The following AAMP variants were observed in gnomAD, a reference collection of about 807,000 sequenced individuals.
The protein encoded by AAMP is angio-associated migratory cell protein.
AAMP carries 12 observed loss-of-function variants against 51.1 expected under a neutral mutation model. The ratio of observed to expected loss-of-function variants is 0.23; its 90% CI spans 0.15 to 0.38. The LOEUF is 0.38. Among genes scored for constraint, AAMP ranks in the 10% least tolerant of loss-of-function variants. The pLI, the probability that AAMP is intolerant of heterozygous loss-of-function variation, is 1.00. For missense variants in AAMP, 418 were observed against 557.2 expected, an observed-to-expected ratio of 0.75 and a Z score of 2.52; for synonymous variants, 210 against 218.7, an observed-to-expected ratio of 0.96 and a Z score of 0.35.
Position 218,269,504 on chromosome 2 carries a change from T to G in AAMP, c.152A>C (p.Asp51Ala). The G allele has an allele frequency of 7.4e-6, 12 of 1,614,154 alleles. No homozygotes were observed. The highest frequency in any genetic ancestry group is 1.0e-5 in the Non-Finnish European group (12 of 1,180,038). The change falls in exon 2 of 11, where the codon GAC (aspartate) becomes GCC (alanine). Residue 51 changes from aspartate to alanine, a missense_variant. By Grantham distance (126) the Asp-to-Ala change is moderately radical. Coordinates refer to ENST00000248450, the MANE Select transcript of AAMP (RefSeq NM_001087.5). ...CTCTTCCTCCTCTTCTTCCTCAAAG[T>G]CCACATCTTCCATCTCCTGGGCCAG... ...DDLAQEMEDV[D>A]FEEEEEEEGN...
Position 218,269,721 on chromosome 2 carries a change from G to C in AAMP, c.122-187C>G, listed in dbSNP as rs1376620244. The C allele has an allele frequency of 2.7e-6, 3 of 1,102,310 alleles. No homozygotes were observed. The East Asian group carries it at 7.6e-5, about 28-fold the overall frequency. The allele number at this position is 1,102,310 out of a possible 1,614,324, so 68.3% of individuals were successfully genotyped here. On this transcript the variant is annotated intron_variant, in intron 1 of 10. Coordinates refer to ENST00000248450, the MANE Select transcript of AAMP (RefSeq NM_001087.5). The stretch of plus-strand genomic sequence containing the variant: ...GCCACGGCTGGCCAGAGACCGTGCG[G>C]TAAGGGAGGGCCAAGGGGATGATGG...
In AAMP at chr2:218,266,383, G is replaced by C; in HGVS notation, c.679+60C>G. ...GACCCAGAAGGCTGCTCTGGGAGGT[G>C]TATATCCCGGGATTCGGCCTCTGCA... is the stretch of plus-strand genomic sequence containing the variant. On this transcript the variant is annotated intron_variant, in intron 5 of 10. Transcript: ENST00000248450. The surrounding 1 kb of genome is among the most constrained non-coding windows in gnomAD (Gnocchi z 4.7). 1.3e-6 allele frequency: 2 copies of C among 1,587,098 alleles called. No homozygotes were observed. Among genetic ancestry groups the C allele is most frequent in the South Asian group, 2.3e-5 (2 of 88,240 alleles).
Position 218,266,487 on chromosome 2 carries a change from T to TG in AAMP, c.634dup (p.Gln212ProfsTer15). On this transcript the variant is annotated frameshift_variant, in exon 5 of 11. Transcript: ENST00000248450. LOFTEE classifies it high-confidence loss of function. This position sits in a 1 kb window ranked among gnomAD's most constrained non-coding sequence, Gnocchi z 4.7. ...ACAGGTGGCTGGGCAGTTGGGACCC[T>TG]GGAAGGTCTTGCAGTCACCATTCGG... 6.2e-7 allele frequency: 1 copy of TG among 1,614,078 alleles called. No homozygotes were observed. Among genetic ancestry groups the TG allele is most frequent in the Non-Finnish European group, 8.5e-7 (1 of 1,180,000 alleles).
In AAMP at chr2:218,267,870, A is replaced by T. The variant is rs1690671175; in HGVS notation, c.275-257T>A. Among the ~76,000 whole-genome samples, 1 of 152,184 alleles carries T rather than the reference A, an allele frequency of 6.6e-6. No individual in the cohort carries two copies. Among genetic ancestry groups the T allele is most frequent in the Admixed American group, 6.5e-5 (1 of 15,278 alleles). ...ACCACCCAACACCAATGCCATGGAC[A>T]AGAGGTGGGGACAGGTGCAGGGCTT... On this transcript the variant is annotated intron_variant, in intron 2 of 10. Transcript: ENST00000248450. The surrounding 1 kb of genome is among the most constrained non-coding windows in gnomAD (Gnocchi z 4.6).
chr2:218,265,480 C>G lies in AAMP; in HGVS notation c.984-19G>C, dbSNP rs777653771. 3.2e-6 allele frequency: 5 copies of G among 1,571,454 alleles called. No individual in the cohort carries two copies. The highest frequency in any genetic ancestry group is 3.5e-6 in the Non-Finnish European group (4 of 1,151,158). On this transcript the variant is annotated intron_variant, in intron 8 of 10. Transcript: ENST00000248450. This position sits in a 1 kb window ranked among gnomAD's most constrained non-coding sequence, Gnocchi z 6.6. ...GGGCATCCTGGCCAGAGGAGCGTAC[C>G]ATGAAGACTCATGAGGGCCTGGACT...
chr2:218,267,513 C>T lies in AAMP; in HGVS notation c.375G>A (p.Glu125=), dbSNP rs763927161. The part of the protein sequence containing the change: ...KAFVWRLSDG[E]LLFECAGHKD... ...CCTCACCTGCACACTCAAAGAGCAG[C>T]TCCCCATCGCTGAGCCGCCATACGA... The change falls in exon 3 of 11, where the codon GAG becomes GAA. Residue 125 remains glutamate (E), a synonymous_variant. Transcript: ENST00000248450. The surrounding 1 kb of genome is among the most constrained non-coding windows in gnomAD (Gnocchi z 4.6). 2 of 1,614,168 alleles carry T rather than the reference C, an allele frequency of 1.2e-6. No individual in the cohort carries two copies. Among genetic ancestry groups the T allele is most frequent in the Non-Finnish European group, 1.7e-6 (2 of 1,180,030 alleles).
Position 218,265,243 on chromosome 2 carries a change from C to A in AAMP, c.1075-69G>T. The A allele has an allele frequency of 6.4e-7, 1 of 1,562,278 alleles. No homozygotes were observed. The highest frequency in any genetic ancestry group is 1.2e-5 in the South Asian group (1 of 83,710). On this transcript the variant is annotated intron_variant, in intron 9 of 10. Coordinates refer to ENST00000248450, the MANE Select transcript of AAMP (RefSeq NM_001087.5). This position sits in a 1 kb window ranked among gnomAD's most constrained non-coding sequence, Gnocchi z 6.6. ...AGCTGAGAGCCATCTGCTCCCAATT[C>A]TCAAAGAGGGACAGCCACACACAAG... is the stretch of plus-strand genomic sequence containing the variant.
rs2305836 is a variant in AAMP at position 218,266,425 on chromosome 2, C to G, written c.679+18G>C. ...GCCTCTGCACCCAGGAAAGGTCACT[C>G]AAGGGAGGTGCTCTCACCATCAGGG... On this transcript the variant is annotated intron_variant, in intron 5 of 10. Coordinates refer to ENST00000248450, the MANE Select transcript of AAMP (RefSeq NM_001087.5). This position sits in a 1 kb window ranked among gnomAD's most constrained non-coding sequence, Gnocchi z 4.7. 2.7e-5 allele frequency: 44 copies of G among 1,611,994 alleles called. No homozygotes were observed. In the South Asian group the frequency reaches 4.7e-4, roughly 17 times the overall value.
chr2:218,269,650 C>G, intron 1 of AAMP, 116 bp from the exon 2 acceptor site: 1 of 1,554,656 alleles, frequency 6.4e-7, no homozygotes. Context: ...AAGGTGGAGT[C>G]AGACACACCG....
Position 218,269,158 on chromosome 2 carries a change from AAG to A in AAMP, c.274+222_274+223del, listed in dbSNP as rs564471161. On this transcript the variant is annotated intron_variant, in intron 2 of 10. Transcript: ENST00000248450. ...AAAGATAACTTTTTAAAAGAAAACTAAGAGGTTAATCAAGGTTAACTGGCAAA... is the reference window on the plus strand; with the variant it reads ...AAAGATAACTTTTTAAAAGAAAACTAAGGTTAATCAAGGTTAACTGGCAAA... Among the ~76,000 whole-genome samples the A allele has an allele frequency of 1.2e-3, 187 of 152,320 alleles. 1 individual carries two copies. The highest frequency in any genetic ancestry group is 4.3e-3 in the African/African-American group (177 of 41,570).
At position 218,265,803 on chromosome 2, in the gene AAMP, G is replaced by A. The variant is rs555598236; in HGVS notation, c.879+28C>T. The A allele has an allele frequency of 1.3e-6, 2 of 1,596,534 alleles. No individual in the cohort carries two copies. The highest frequency in any genetic ancestry group is 2.2e-5 in the East Asian group (1 of 44,646). ...AAGGAGAGGAGTCGGGAAAGCGGAG[G>A]CCCCAGCCGGGCTCCAGGTCCACTC... is the stretch of plus-strand genomic sequence containing the variant. On this transcript the variant is annotated intron_variant, in intron 7 of 10. Coordinates refer to ENST00000248450, the MANE Select transcript of AAMP (RefSeq NM_001087.5). This position sits in a 1 kb window ranked among gnomAD's most constrained non-coding sequence, Gnocchi z 6.6.
At chr2:218,269,795 C>A (rs1011536790) in intron 1 of AAMP, 171 bp downstream of exon 1, 2 of 1,152,594 alleles carry the variant, frequency 1.7e-6, no homozygotes, top group African/African-American at 3.1e-5. Context: ...AGGGAACCCC[C>A]ACCCCAGCCA....
At position 218,265,722 on chromosome 2, in the gene AAMP, G is replaced by C. The variant is rs985035661; in HGVS notation, c.880-40C>G. On this transcript the variant is annotated intron_variant, in intron 7 of 10. Coordinates refer to ENST00000248450, the MANE Select transcript of AAMP (RefSeq NM_001087.5). This position sits in a 1 kb window ranked among gnomAD's most constrained non-coding sequence, Gnocchi z 6.6. The stretch of plus-strand genomic sequence containing the variant: ...GGATCAGAGGAGGACACGGAATCCG[G>C]GTGCTTGATGGAGAGAAAGACGGTG... 1 of 1,594,236 alleles carries C rather than the reference G, an allele frequency of 6.3e-7. No homozygotes were observed. Among genetic ancestry groups the C allele is most frequent in the Non-Finnish European group, 8.6e-7 (1 of 1,164,936 alleles).
At chr2:218,269,233 T>C in intron 2 of AAMP, 149 bp downstream of exon 2, 1 of 1,012,478 alleles carries the variant, frequency 9.9e-7, no homozygotes, top group South Asian at 1.4e-5. Flanking sequence ...TCATCCATTC[T>C]GCCACACTTT....
chr2:218,267,408 T>C lies in AAMP; in HGVS notation c.394+86A>G. The C allele has an allele frequency of 6.4e-7, 1 of 1,567,800 alleles. No homozygotes were observed. Among genetic ancestry groups the C allele is most frequent in the East Asian group, 2.3e-5 (1 of 44,376 alleles). Reference sequence around the variant, plus strand: ...CAAAAGAGATGTCACTAAGTGGCTGTTGGATGCACAACCTCTGCAGGTCAG... The same window carrying C: ...CAAAAGAGATGTCACTAAGTGGCTGCTGGATGCACAACCTCTGCAGGTCAG... On this transcript the variant is annotated intron_variant, in intron 3 of 10. Coordinates refer to ENST00000248450, the MANE Select transcript of AAMP (RefSeq NM_001087.5). The surrounding 1 kb of genome is among the most constrained non-coding windows in gnomAD (Gnocchi z 4.6).
intron 1 of AAMP, 134 bp downstream of exon 1, chr2:218,269,832 G>C (rs148625186): frequency 3.9e-5 from 54 of 1,379,502 alleles, no homozygotes; most frequent in Admixed American, 3.1e-4. Flanking sequence ...GTGAGGGTGG[G>C]AGTGGGGGAG....
Position 218,265,652 on chromosome 2 carries a change from CCA to C in AAMP, c.908_909del (p.Val303GlyfsTer13). ...CCTTCTCCCAGGCTGGGCTGGGAGG[CCA>C]CAGTCTCAGGTCTAAAAACACCCAC... Reference protein sequence around the residue: ...KVVGVFRPETVASQPSLGEGE... With the variant: ...KVVGVFRPETXASQPSLGEGE... On this transcript the variant is annotated frameshift_variant, in exon 8 of 11. Transcript: ENST00000248450. LOFTEE classifies it high-confidence loss of function. The surrounding 1 kb of genome is among the most constrained non-coding windows in gnomAD (Gnocchi z 6.6). The C allele has an allele frequency of 6.2e-7, 1 of 1,613,518 alleles. No homozygotes were observed. The highest frequency in any genetic ancestry group is 8.5e-7 in the Non-Finnish European group (1 of 1,179,980).
At position 218,264,308 on chromosome 2, in the gene AAMP, C is replaced by A; in HGVS notation, c.*225G>T. The stretch of plus-strand genomic sequence containing the variant: ...AAAGTGAAAGAGAAACAGGTCCACC[C>A]CTCCCTCTGAAGGGCCCACCAGGTC... On this transcript the variant is annotated 3_prime_UTR_variant, in exon 11 of 11. Transcript: ENST00000248450. 1 of 564,224 alleles carries A rather than the reference C, an allele frequency of 1.8e-6. No individual in the cohort carries two copies. Among genetic ancestry groups the A allele is most frequent in the Non-Finnish European group, 3.2e-6 (1 of 315,404 alleles). 35.0% of individuals were successfully genotyped at this position (564,224 alleles called of 1,614,324 possible). A position where few individuals can be genotyped will look rare whatever the true frequency, so the allele number is the denominator to read the frequency against.
chr2:218,264,964 T>C lies in AAMP; in HGVS notation c.1229+56A>G, dbSNP rs200184275. On this transcript the variant is annotated intron_variant, in intron 10 of 10. Coordinates refer to ENST00000248450, the MANE Select transcript of AAMP (RefSeq NM_001087.5). ...CCCCAAGGATCCTGTGTCCCCTACA[T>C]ACTACTGCCACCTTCCAAATACACA... 5.5e-4 allele frequency: 878 copies of C among 1,609,442 alleles called. 4 individuals carry two copies. Among genetic ancestry groups the C allele is most frequent in the Middle Eastern group, 2.3e-3 (14 of 6,060 alleles).
Sources: allele counts gnomAD v4.1 joint callset (sites outside exome capture counted in the v4.1 genomes callset), GRCh38; gene constraint gnomAD v4.1.1; non-coding constraint Gnocchi (gnomAD v3.1); transcripts MANE v1.5; gene names NCBI Gene and HGNC (gene_info 2026-07-23, HGNC 2026-07-21).